Variants in CNTN4 observed in about 807,000 individuals in gnomAD.
CNTN4 encodes the protein contactin 4.
A neutral mutation model predicts 122.5 loss-of-function variants in CNTN4; 77 were observed. The observed-to-expected ratio is 0.63, with a 90% CI of 0.52 to 0.76. CNTN4 has a LOEUF of 0.76. Ranked by LOEUF, CNTN4 falls within the 30% of genes least tolerant of loss-of-function variation. The pLI is 0.00. For synonymous variants in CNTN4, 512 were observed against 447.0 expected (o/e 1.15, Z -1.83); for missense variants, 1,256 against 1,259.1 (o/e 1.00, Z 0.04).
intron 2 of CNTN4, among the ~76,000 whole-genome samples, chr3:2,204,300 A>T (rs566525226): frequency 6.6e-6 from 1 of 152,318 alleles, no homozygotes; most frequent in African/African-American, 2.4e-5. Context: ...AACATTCAAT[A>T]CCTTCAACTC....
intron 4 of CNTN4, 82 bp downstream of exon 4, chr3:2,571,640 C>T (rs184419013): frequency 4.9e-5 from 49 of 1,000,322 alleles, no homozygotes; most frequent in African/African-American, 2.9e-4. Context: ...TCACTTTAGA[C>T]GGCAATGATA....
intron 6 of CNTN4, among the ~76,000 whole-genome samples, chr3:2,800,440 T>C (rs915065122): frequency 6.6e-6 from 1 of 152,226 alleles, no homozygotes; most frequent in African/African-American, 2.4e-5. Flanking sequence ...TACATACCAC[T>C]AAAGTTCTTA....
At chr3:2,567,250 C>A (rs1261210341) in intron 3 of CNTN4, among the ~76,000 whole-genome samples, 1 of 152,066 alleles carries the variant, frequency 6.6e-6, no homozygotes, top group Admixed American at 6.5e-5. Context: ...CCACACCCAA[C>A]TAATTTTTTC....
intron 3 of CNTN4, among the ~76,000 whole-genome samples, chr3:2,373,455 G>A (rs2045706229): frequency 6.6e-6 from 1 of 152,226 alleles, no homozygotes; most frequent in South Asian, 2.1e-4. Flanking sequence ...GTAATAATTA[G>A]AAAGTGTGGA....
chr3:2,918,384 G>T (rs1044373152), intron 12 of CNTN4, among the ~76,000 whole-genome samples: 1 of 152,156 alleles, frequency 6.6e-6, no homozygotes, highest in African/African-American at 2.4e-5. Context: ...GGAAAGAGGA[G>T]ACCATGTGCT....
intron 4 of CNTN4, among the ~76,000 whole-genome samples, chr3:2,657,732 T>C (rs2083659384): frequency 6.6e-6 from 1 of 152,066 alleles, no homozygotes; most frequent in Non-Finnish European, 1.5e-5. Flanking sequence ...CAAAATGGCA[T>C]ATTGCAGTTA....
intron 3 of CNTN4, among the ~76,000 whole-genome samples, chr3:2,556,268 A>T (rs1246493733): frequency 1.3e-5 from 2 of 152,232 alleles, no homozygotes; most frequent in Non-Finnish European, 2.9e-5. Flanking sequence ...CAATTAACCA[A>T]GAAGAGCCTC....
chr3:2,643,572 G>A (rs1250436764), intron 4 of CNTN4, among the ~76,000 whole-genome samples: 2 of 152,132 alleles, frequency 1.3e-5, no homozygotes, highest in Non-Finnish European at 2.9e-5. Flanking sequence ...ACAAAACTGT[G>A]CGAGATGCTG....
In CNTN4 at chr3:2,708,727, T is replaced by TCTCACACACACACA. The variant is rs1214979217; in HGVS notation, c.56-27487_56-27486insTCACACACACACAC. On this transcript the variant is annotated intron_variant, in intron 4 of 24. Coordinates refer to ENST00000418658, the MANE Select transcript of CNTN4 (RefSeq NM_175607.3). ...GCACGCAGGCACGCGCACGCGCGCA[T>TCTCACACACACACA]CACACACACACACACACACACACAC... Among the ~76,000 whole-genome samples, 47 of 151,008 alleles carry TCTCACACACACACA rather than the reference T, an allele frequency of 3.1e-4. 1 individual carries two copies. The highest frequency in any genetic ancestry group is 1.0e-3 in the African/African-American group (43 of 41,202).
At chr3:2,196,828 T>C (rs1250967053) in intron 2 of CNTN4, among the ~76,000 whole-genome samples, 4 of 151,976 alleles carry the variant, frequency 2.6e-5, no homozygotes, top group East Asian at 1.9e-4. Context: ...GCAGATCTTA[T>C]GAGGTCGGAA....
intron 13 of CNTN4, among the ~76,000 whole-genome samples, chr3:2,982,796 T>C (rs574969607): frequency 1.6e-4 from 25 of 152,330 alleles, no homozygotes; most frequent in African/African-American, 5.3e-4. Flanking sequence ...TACTGTGTGC[T>C]TATAGAAATG....
intron 2 of CNTN4, among the ~76,000 whole-genome samples, chr3:2,162,509 A>G (rs774573009): frequency 3.9e-5 from 6 of 152,214 alleles, no homozygotes; most frequent in Admixed American, 6.5e-5. Context: ...TGGAAAACCC[A>G]TAAGGCTCCC....
chr3:2,563,636 T>A lies in CNTN4; in HGVS notation c.-88-7780T>A, dbSNP rs574457209. ...CATAAGCTTCATATGTATGGATAATTGTGAGAAAAATCATAGCTTTGAATA... is the reference window on the plus strand; with the variant it reads ...CATAAGCTTCATATGTATGGATAATAGTGAGAAAAATCATAGCTTTGAATA... On this transcript the variant is annotated intron_variant, in intron 3 of 24. Coordinates refer to ENST00000418658, the MANE Select transcript of CNTN4 (RefSeq NM_175607.3). Among the ~76,000 whole-genome samples, 89 of 152,300 alleles carry A rather than the reference T, an allele frequency of 5.8e-4. 1 individual carries two copies. Among genetic ancestry groups the A allele is most frequent in the African/African-American group, 2.1e-3 (87 of 41,584 alleles).
chr3:2,590,102 G>GACAGT (rs1559276735), intron 4 of CNTN4, among the ~76,000 whole-genome samples: 3 of 152,188 alleles, frequency 2.0e-5, no homozygotes, highest in Non-Finnish European at 4.4e-5. Flanking sequence ...GGGACAAACT[G>GACAGT]TCGTCAGTTC....
intron 13 of CNTN4, chr3:2,985,185 C>T (rs1694435075): frequency 6.6e-6 from 1 of 152,248 alleles, no homozygotes; most frequent in African/African-American, 2.4e-5. Context: ...TGGTAATCAT[C>T]TGTGTAAACT....
intron 4 of CNTN4, among the ~76,000 whole-genome samples, chr3:2,611,297 C>CAAAAAAA (rs201162114): frequency 2.2e-4 from 14 of 62,330 alleles, no homozygotes; most frequent in African/African-American, 6.1e-4. Flanking sequence ...CACCTGGAAC[C>CAAAAAAA]AAAAAAAAAA....
chr3:2,868,702 A>G (rs2093751538), intron 8 of CNTN4, among the ~76,000 whole-genome samples: 3 of 152,216 alleles, frequency 2.0e-5, no homozygotes, highest in Admixed American at 6.5e-5. Context: ...GACAGCCACT[A>G]TGCTGAGTGC....
intron 2 of CNTN4, among the ~76,000 whole-genome samples, chr3:2,287,772 GA>G (rs1559416299): frequency 2.7e-5 from 4 of 148,506 alleles, no homozygotes; most frequent in Non-Finnish European, 4.4e-5. Context: ...AGAAGAAGAA[GA>G]AGAAGGAGAA....
At chr3:2,643,626 T>G (rs2082994519) in intron 4 of CNTN4, among the ~76,000 whole-genome samples, 1 of 152,186 alleles carries the variant, frequency 6.6e-6, no homozygotes, top group South Asian at 2.1e-4. Context: ...CCTGATTACC[T>G]TTCAGGTGGA....
Sources: allele counts gnomAD v4.1 joint callset (sites outside exome capture counted in the v4.1 genomes callset), GRCh38; gene constraint gnomAD v4.1.1; transcripts MANE v1.5; gene names NCBI Gene and HGNC (gene_info 2026-07-23, HGNC 2026-07-21).